The following RAB31 variants were observed in gnomAD, a reference collection of about 807,000 sequenced individuals.
RAB31 encodes RAB31, member RAS oncogene family.
In RAB31, 21 loss-of-function variants were observed where a neutral mutation model predicts 25.6. That is an observed-to-expected ratio of 0.82 (90% confidence interval 0.58 to 1.18). The LOEUF (loss-of-function observed/expected upper bound fraction) is 1.18. Among genes scored for constraint, RAB31 ranks in the 50% most tolerant of loss-of-function variants. The probability of loss-of-function intolerance (pLI) is 0.00; values close to 1 mark genes in which losing one functional copy is unlikely to be tolerated. For missense variants in RAB31, 196 were observed against 250.1 expected (o/e 0.78, Z 1.46); for synonymous variants, 87 against 84.0 (o/e 1.04, Z -0.20).
At chr18:9,792,322 T>C (rs2068464890) in intron 3 of RAB31, 87 bp downstream of exon 3, 1 of 1,500,288 alleles carries the variant, frequency 6.7e-7, no homozygotes, top group Non-Finnish European at 9.0e-7. Context: ...GACAAGACTC[T>C]TGGTTGCAGG....
chr18:9,774,892 A>G (rs977825815), intron 1 of RAB31: 1 of 520,374 alleles, frequency 1.9e-6, no homozygotes, highest in Non-Finnish European at 3.8e-6. Flanking sequence ...TTTGAATGCA[A>G]GGTTTTGAAC....
chr18:9,785,167 G>A, intron 2 of RAB31: 1 of 154,026 alleles, frequency 6.5e-6, no homozygotes. Flanking sequence ...GAGGATGAGT[G>A]GGAATGCTTG....
At chr18:9,741,376 CAAAAA>C (rs71169903) in intron 1 of RAB31, among the ~76,000 whole-genome samples, 57 of 31,252 alleles carry the variant, frequency 1.8e-3, no homozygotes, top group African/African-American at 4.7e-3. Flanking sequence ...AACTCCGTCT[CAAAAA>C]AAAAAAAAAA....
rs781101115 is a variant in RAB31, at chr18:9,766,724, G to A, written c.40-8554G>A. 8.5e-5 allele frequency among the ~76,000 whole-genome samples: 13 copies of A among 152,170 alleles called. No homozygotes were observed. The highest frequency in any genetic ancestry group is 1.6e-4 in the Non-Finnish European group (11 of 68,034). ...AATCTCAGCACTTTGGGAGGCTGAGGTGGGGATCGCTTGAGGCCAGGAGTT... is the reference window on the plus strand; with the variant it reads ...AATCTCAGCACTTTGGGAGGCTGAGATGGGGATCGCTTGAGGCCAGGAGTT... On this transcript the variant is annotated intron_variant, in intron 1 of 6. Coordinates refer to ENST00000578921, the MANE Select transcript of RAB31 (RefSeq NM_006868.4). The surrounding 1 kb of genome is among the most constrained non-coding windows in gnomAD (Gnocchi z 4.3).
chr18:9,740,934 A>G (rs1402471872), intron 1 of RAB31, among the ~76,000 whole-genome samples: 7 of 152,128 alleles, frequency 4.6e-5, no homozygotes, highest in Non-Finnish European at 8.8e-5. Context: ...GCACACTGCA[A>G]TGCCTTCCTT....
At chr18:9,776,390 T>G (rs1179030130) in intron 2 of RAB31, among the ~76,000 whole-genome samples, 1 of 151,980 alleles carries the variant, frequency 6.6e-6, no homozygotes, top group Non-Finnish European at 1.5e-5. Context: ...AATGGGAGAG[T>G]GTATCAGAAG....
intron 1 of RAB31, among the ~76,000 whole-genome samples, chr18:9,753,173 A>G (rs1365644628): frequency 6.6e-6 from 1 of 152,198 alleles, no homozygotes; most frequent in Non-Finnish European, 1.5e-5. Flanking sequence ...TTTATTTGTG[A>G]TACTGCTATG....
intron 1 of RAB31, among the ~76,000 whole-genome samples, chr18:9,736,669 A>G (rs986585551): frequency 3.3e-5 from 5 of 152,224 alleles, no homozygotes; most frequent in African/African-American, 9.7e-5. Flanking sequence ...TCCAAAGTCA[A>G]TTCAGCAAAT....
chr18:9,853,790 G>A (rs1196247179), intron 6 of RAB31, among the ~76,000 whole-genome samples: 1 of 151,820 alleles, frequency 6.6e-6, no homozygotes, highest in Non-Finnish European at 1.5e-5. Flanking sequence ...GGAGAGGAAG[G>A]TATATGCCAA....
rs182863959 is a variant in RAB31 at position 9,793,486 on chromosome 18, C to A, written c.201+1251C>A. Among the ~76,000 whole-genome samples, 313 of 152,114 alleles carry A rather than the reference C, an allele frequency of 2.1e-3. 2 individuals carry two copies. Among genetic ancestry groups the A allele is most frequent in the African/African-American group, 7.4e-3 (308 of 41,520 alleles). On this transcript the variant is annotated intron_variant, in intron 3 of 6. Transcript: ENST00000578921. Reference sequence around the variant, plus strand: ...GACCATCCTGGCTAACACAGTGAAACCCTGTCTCTACTAAAAATACAAAAA... The same window carrying A: ...GACCATCCTGGCTAACACAGTGAAAACCTGTCTCTACTAAAAATACAAAAA...
intron 5 of RAB31, among the ~76,000 whole-genome samples, chr18:9,844,135 C>T (rs2068748569): frequency 1.3e-5 from 2 of 152,182 alleles, no homozygotes; most frequent in Non-Finnish European, 2.9e-5. Flanking sequence ...TCCTCACCTC[C>T]ATCCATTCTA....
chr18:9,852,390 T>C (rs1397058506), intron 6 of RAB31, among the ~76,000 whole-genome samples: 2 of 152,236 alleles, frequency 1.3e-5, no homozygotes, highest in Admixed American at 1.3e-4. Flanking sequence ...AAATGGTTTC[T>C]TTGTTTGCAT....
chr18:9,731,356 A>G (rs1422877100), intron 1 of RAB31, among the ~76,000 whole-genome samples: 1 of 152,122 alleles, frequency 6.6e-6, no homozygotes, highest in Non-Finnish European at 1.5e-5. Context: ...ATAATTTATT[A>G]CCTCTACCAG....
intron 1 of RAB31, among the ~76,000 whole-genome samples, chr18:9,771,582 C>G (rs750957845): frequency 1.3e-5 from 2 of 152,202 alleles, no homozygotes; most frequent in Non-Finnish European, 2.9e-5. Context: ...TAGCGAGTTT[C>G]CTGCGGGGAA....
chr18:9,849,268 T>C (rs956342974), intron 6 of RAB31, among the ~76,000 whole-genome samples: 18 of 152,200 alleles, frequency 1.2e-4, no homozygotes, highest in Non-Finnish European at 2.1e-4. Flanking sequence ...ATGTGCCTGT[T>C]CTTCTAGGGA....
chr18:9,845,780 C>CT, intron 6 of RAB31, 89 bp downstream of exon 6: 1 of 1,426,044 alleles, frequency 7.0e-7, no homozygotes, highest in Non-Finnish European at 9.2e-7. Flanking sequence ...CTGAAGTGAA[C>CT]TTTTCCTCTG....
chr18:9,828,974 C>T (rs1476846), intron 5 of RAB31, among the ~76,000 whole-genome samples: 20,452 of 152,044 alleles, frequency 0.13, 1,939 homozygotes, highest in East Asian at 0.37. Flanking sequence ...GCGGGTGGCC[C>T]CTCCCATTTA....
chr18:9,779,317 C>T (rs1299558151), intron 2 of RAB31, among the ~76,000 whole-genome samples: 1 of 152,196 alleles, frequency 6.6e-6, no homozygotes, highest in East Asian at 1.9e-4. Context: ...TTTGCTAGCT[C>T]TTCAATCCCG....
At chr18:9,803,617 G>A (rs1431246909) in intron 3 of RAB31, among the ~76,000 whole-genome samples, 1 of 152,194 alleles carries the variant, frequency 6.6e-6, no homozygotes, top group Non-Finnish European at 1.5e-5. Flanking sequence ...TGCTGTTGAA[G>A]TGAGATAAAC....
Sources: allele counts gnomAD v4.1 joint callset (sites outside exome capture counted in the v4.1 genomes callset), GRCh38; gene constraint gnomAD v4.1.1; non-coding constraint Gnocchi (gnomAD v3.1); transcripts MANE v1.5; gene names NCBI Gene and HGNC (gene_info 2026-07-23, HGNC 2026-07-21).